Variants in CHD9 observed in about 807,000 individuals in gnomAD.
CHD9 encodes the protein chromodomain helicase DNA binding protein 9, also known as ATP-dependent chromatin remodeler CHD9.
In CHD9, 77 loss-of-function variants were observed where a neutral mutation model predicts 316.1. The ratio of observed to expected loss-of-function variants is 0.24; its 90% CI spans 0.20 to 0.29. The LOEUF (loss-of-function observed/expected upper bound fraction) is 0.29, where lower values mean the gene tolerates loss of function less well. Ranked by LOEUF, CHD9 falls within the 10% of genes least tolerant of loss-of-function variation. The pLI is 1.00. For missense variants in CHD9, 2,763 were observed against 3,438.1 expected (o/e 0.80, Z 4.91); for synonymous variants, 1,129 against 1,158.3 (o/e 0.97, Z 0.51).
chr16:53,286,098 C>T lies in CHD9; in HGVS notation c.5072-128C>T. On this transcript the variant is annotated intron_variant, in intron 25 of 38. Transcript: ENST00000447540. The stretch of plus-strand genomic sequence containing the variant: ...ATAATTTCTAGAAAACATACTTAAC[C>T]TATATCATTTTAATGTATTATCCCT... 2 of 549,882 alleles carry T rather than the reference C, an allele frequency of 3.6e-6. 1 individual carries two copies. Among genetic ancestry groups the T allele is most frequent in the Non-Finnish European group, 6.5e-6 (2 of 307,682 alleles). 34.1% of individuals were successfully genotyped at this position (549,882 alleles called of 1,614,324 possible). A position where few individuals can be genotyped will look rare whatever the true frequency, so the allele number is the denominator to read the frequency against.
At chr16:53,171,294 C>G (rs1029944744) in intron 2 of CHD9, among the ~76,000 whole-genome samples, 1 of 152,124 alleles carries the variant, frequency 6.6e-6, no homozygotes, top group Non-Finnish European at 1.5e-5. Flanking sequence ...TGGCGGGCGC[C>G]TGTAGTCCCA....
intron 12 of CHD9, among the ~76,000 whole-genome samples, chr16:53,242,524 G>T (rs2049192419): frequency 6.6e-6 from 1 of 152,030 alleles, no homozygotes; most frequent in Non-Finnish European, 1.5e-5. Context: ...TCATTGGCCA[G>T]ATTTTATCAT....
intron 13 of CHD9, among the ~76,000 whole-genome samples, chr16:53,243,858 T>C (rs566708630): frequency 2.0e-5 from 3 of 152,334 alleles, no homozygotes; most frequent in African/African-American, 7.2e-5. Flanking sequence ...ACATAATTAT[T>C]ACATGAGCAC....
chr16:53,183,450 A>C (rs1296158954), intron 2 of CHD9, among the ~76,000 whole-genome samples: 1 of 152,230 alleles, frequency 6.6e-6, no homozygotes, highest in Non-Finnish European at 1.5e-5. Flanking sequence ...TATCTGTAAC[A>C]GGTTATTTAT....
intron 2 of CHD9, among the ~76,000 whole-genome samples, chr16:53,177,545 C>A (rs1179192506): frequency 1.3e-5 from 2 of 152,066 alleles, no homozygotes; most frequent in Non-Finnish European, 2.9e-5. Context: ...GAAACTGAGG[C>A]CCAGATAGAG....
At position 53,226,412 on chromosome 16, in the gene CHD9, A is replaced by G. The variant is rs369540834; in HGVS notation, c.1943A>G (p.Asp648Gly). Residue 648 changes from aspartate to glycine, a missense_variant, in exon 5 of 39, where the codon GAT becomes GGT. By Grantham distance (94) the Asp-to-Gly change is moderately conservative (BLOSUM62 -1). Around this residue, in one of 15 missense-constraint regions of CHD9, gnomAD observed 859 missense variants for 890.4 expected, o/e 0.96. Transcript: ENST00000447540. ...ATTAAAAGAAAAAAATACGCAGAAG[A>G]TATAGAAGGGAAGCAATCTGAAGAA... Reference protein sequence around the residue: ...RQIKRKKYAEDIEGKQSEEEV... With the variant: ...RQIKRKKYAEGIEGKQSEEEV... 230 of 1,599,434 alleles carry G rather than the reference A, an allele frequency of 1.4e-4. 1 individual carries two copies. The highest frequency in any genetic ancestry group is 6.6e-4 in the Middle Eastern group (4 of 6,018).
chr16:53,285,160 G>A (rs184759023), intron 24 of CHD9, among the ~76,000 whole-genome samples: 3 of 152,270 alleles, frequency 2.0e-5, no homozygotes. Context: ...GTCTAGAGGA[G>A]CTATTACTTG....
At chr16:53,262,890 G>A in intron 19 of CHD9, 97 bp from the exon 20 acceptor site, 3 of 965,142 alleles carry the variant, frequency 3.1e-6, no homozygotes, top group Non-Finnish European at 4.9e-6. Flanking sequence ...GTATGAGTAT[G>A]CAGAATTCAA....
intron 1 of CHD9, among the ~76,000 whole-genome samples, chr16:53,071,970 G>C (rs1374180743): frequency 6.6e-6 from 1 of 152,176 alleles, no homozygotes; most frequent in Admixed American, 6.5e-5. Flanking sequence ...CAGGCATTGA[G>C]TTTATTGTGC....
At chr16:53,090,021 C>G (rs1228714302) in intron 1 of CHD9, among the ~76,000 whole-genome samples, 1 of 152,180 alleles carries the variant, frequency 6.6e-6, no homozygotes, top group Non-Finnish European at 1.5e-5. Flanking sequence ...GATCCTGGAG[C>G]CAAGAGCATC....
chr16:53,115,372 G>C (rs1026239557), intron 1 of CHD9, among the ~76,000 whole-genome samples: 4 of 152,216 alleles, frequency 2.6e-5, no homozygotes, highest in Non-Finnish European at 5.9e-5. Context: ...CTTCCATACT[G>C]ACCCATCACC....
At chr16:53,278,879 G>A (rs200570916) in intron 24 of CHD9, among the ~76,000 whole-genome samples, 4,905 of 152,212 alleles carry the variant, frequency 0.032, 86 homozygotes, top group Middle Eastern at 0.071. Context: ...GAGAGGATGT[G>A]GAGAAATAGG....
chr16:53,213,355 G>T (rs1460866443), intron 3 of CHD9, among the ~76,000 whole-genome samples: 1 of 152,100 alleles, frequency 6.6e-6, no homozygotes, highest in Non-Finnish European at 1.5e-5. Context: ...TATGATCTTG[G>T]CAGTCAGGTT....
At chr16:53,179,321 A>ATT (rs5816889) in intron 2 of CHD9, among the ~76,000 whole-genome samples, 8 of 151,480 alleles carry the variant, frequency 5.3e-5, no homozygotes, top group Non-Finnish European at 7.4e-5. Context: ...CCAGCAGTTA[A>ATT]TTTTTTTTTA....
chr16:53,263,952 A>G (rs914864247), intron 20 of CHD9, among the ~76,000 whole-genome samples: 2 of 152,124 alleles, frequency 1.3e-5, no homozygotes, highest in Non-Finnish European at 2.9e-5. Flanking sequence ...TGGATAGAAG[A>G]TAAATATGCC....
At chr16:53,132,793 C>CTTTTTTTTTT (rs748626858) in intron 1 of CHD9, among the ~76,000 whole-genome samples, 21 of 68,482 alleles carry the variant, frequency 3.1e-4, no homozygotes, top group Non-Finnish European at 5.1e-4. Flanking sequence ...TCTAATTCTG[C>CTTTTTTTTTT]TTTTTTTTTT....
At chr16:53,269,250 A>G (rs2051990493) in intron 22 of CHD9, among the ~76,000 whole-genome samples, 1 of 152,202 alleles carries the variant, frequency 6.6e-6, no homozygotes, top group African/African-American at 2.4e-5. Context: ...TTTATAGCAT[A>G]AAATAATTGA....
intron 22 of CHD9, among the ~76,000 whole-genome samples, chr16:53,272,974 A>C (rs750237944): frequency 6.6e-6 from 1 of 152,162 alleles, no homozygotes; most frequent in Non-Finnish European, 1.5e-5. Flanking sequence ...CTGTAATCCC[A>C]GCTACTCAGG....
intron 12 of CHD9, among the ~76,000 whole-genome samples, chr16:53,242,226 T>C (rs571422038): frequency 3.3e-4 from 50 of 152,332 alleles, no homozygotes; most frequent in African/African-American, 1.2e-3. Context: ...TTATCCCACA[T>C]CCTTGTTTTA....
Sources: allele counts gnomAD v4.1 joint callset (sites outside exome capture counted in the v4.1 genomes callset), GRCh38; gene constraint gnomAD v4.1.1; regional missense constraint gnomAD v4.1.1; transcripts MANE v1.5; gene names NCBI Gene and HGNC (gene_info 2026-07-23, HGNC 2026-07-21).